The following SLC9A9 variants were observed in gnomAD, a reference collection of about 807,000 sequenced individuals.
SLC9A9 encodes the protein solute carrier family 9 member A9, also known as sodium/hydrogen exchanger 9.
A neutral mutation model predicts 77.8 loss-of-function variants in SLC9A9; 62 were observed. The observed-to-expected ratio is 0.80, with a 90% CI of 0.65 to 0.98. The LOEUF (loss-of-function observed/expected upper bound fraction) is 0.98, where lower values mean the gene tolerates loss of function less well. Ranked by LOEUF, SLC9A9 falls within the 50% of genes least tolerant of loss-of-function variation. The pLI is 0.00. For missense variants in SLC9A9, 775 were observed against 774.9 expected (o/e 1.00, Z 0.00); for synonymous variants, 320 against 283.5 (o/e 1.13, Z -1.29).
intron 13 of SLC9A9, among the ~76,000 whole-genome samples, chr3:143,380,736 C>T (rs1234943969): frequency 6.6e-6 from 1 of 152,196 alleles, no homozygotes; most frequent in African/African-American, 2.4e-5. Context: ...CAAAAAACCT[C>T]AAAGTACATG....
At chr3:143,644,118 C>T (rs1266877710) in intron 6 of SLC9A9, among the ~76,000 whole-genome samples, 1 of 152,146 alleles carries the variant, frequency 6.6e-6, no homozygotes, top group African/African-American at 2.4e-5. Context: ...AGATAGACAG[C>T]CATGTTTGAA....
intron 4 of SLC9A9, among the ~76,000 whole-genome samples, chr3:143,753,492 A>G (rs1221749862): frequency 6.6e-6 from 1 of 152,252 alleles, no homozygotes; most frequent in Non-Finnish European, 1.5e-5. Flanking sequence ...GGAAGCCAAC[A>G]GAGGTCTTTC....
intron 13 of SLC9A9, among the ~76,000 whole-genome samples, chr3:143,374,817 A>G (rs1301680938): frequency 1.3e-5 from 2 of 152,204 alleles, no homozygotes; most frequent in South Asian, 2.1e-4. Context: ...AAAATATACA[A>G]TTAAGTTATT....
At chr3:143,613,905 A>T (rs998218967) in intron 6 of SLC9A9, among the ~76,000 whole-genome samples, 12 of 152,206 alleles carry the variant, frequency 7.9e-5, no homozygotes, top group African/African-American at 2.9e-4. Flanking sequence ...CTAGAAAAAA[A>T]TAGCTCTATT....
intron 11 of SLC9A9, among the ~76,000 whole-genome samples, chr3:143,492,531 C>T (rs939679849): frequency 6.6e-6 from 1 of 152,146 alleles, no homozygotes; most frequent in African/African-American, 2.4e-5. Context: ...GCAAAACAAG[C>T]CTTTTACTGC....
intron 5 of SLC9A9, among the ~76,000 whole-genome samples, chr3:143,658,152 C>T (rs2038924140): frequency 6.6e-6 from 1 of 152,208 alleles, no homozygotes; most frequent in Non-Finnish European, 1.5e-5. Flanking sequence ...CAGCATGAGC[C>T]ACTGTGCCTG....
intron 6 of SLC9A9, among the ~76,000 whole-genome samples, chr3:143,623,156 A>T (rs567211795): frequency 6.6e-6 from 1 of 152,298 alleles, no homozygotes; most frequent in South Asian, 2.1e-4. Flanking sequence ...CTCCCACACA[A>T]TAATAATGGG....
Position 143,839,099 on chromosome 3 carries a change from AC to A in SLC9A9, c.176-6879del, listed in dbSNP as rs112772984. Reference sequence around the variant, plus strand: ...CAAAAAGTAAAAACATGATGTAGTAACAACGTACAATGCCTTCTGTTTTTGG... The same window carrying A: ...CAAAAAGTAAAAACATGATGTAGTAAAACGTACAATGCCTTCTGTTTTTGG... On this transcript the variant is annotated intron_variant, in intron 1 of 15. Transcript: ENST00000316549. 7.7e-3 allele frequency among the ~76,000 whole-genome samples: 1,176 copies of A among 152,302 alleles called. 14 individuals carry two copies. Among genetic ancestry groups the A allele is most frequent in the African/African-American group, 0.027 (1,111 of 41,544 alleles).
intron 1 of SLC9A9, among the ~76,000 whole-genome samples, chr3:143,843,166 G>A (rs1273164427): frequency 6.6e-6 from 1 of 152,124 alleles, no homozygotes; most frequent in African/African-American, 2.4e-5. Flanking sequence ...TTCAGCCAGC[G>A]GGAAGGGGGT....
rs138556980 is a variant in SLC9A9 at position 143,473,882 on chromosome 3, G to A, written c.1316-6692C>T. Among the ~76,000 whole-genome samples the A allele has an allele frequency of 2.6e-5, 4 of 152,292 alleles. No individual in the cohort carries two copies. In the East Asian group the frequency reaches 7.7e-4, roughly 29 times the overall value. On this transcript the variant is annotated intron_variant, in intron 11 of 15. Coordinates refer to ENST00000316549, the MANE Select transcript of SLC9A9 (RefSeq NM_173653.4). ...GGTGATATTCATATATTCATTCACTGATTAATTCATTCAGGCTCCAGGTGA... is the reference window on the plus strand; with the variant it reads ...GGTGATATTCATATATTCATTCACTAATTAATTCATTCAGGCTCCAGGTGA...
chr3:143,729,293 C>T (rs957878211), intron 4 of SLC9A9, among the ~76,000 whole-genome samples: 1 of 152,198 alleles, frequency 6.6e-6, no homozygotes. Context: ...CCAGACTCTT[C>T]TACATTTCAG....
chr3:143,663,738 G>C (rs1057324743), intron 5 of SLC9A9, among the ~76,000 whole-genome samples: 1 of 152,120 alleles, frequency 6.6e-6, no homozygotes, highest in African/African-American at 2.4e-5. Context: ...TCAAATTAAT[G>C]ACATGAAGTG....
intron 11 of SLC9A9, among the ~76,000 whole-genome samples, chr3:143,476,806 G>A (rs2035485825): frequency 6.6e-6 from 1 of 152,196 alleles, no homozygotes; most frequent in Admixed American, 6.5e-5. Flanking sequence ...CACAAAGTAG[G>A]AGGGAGGAGT....
chr3:143,464,150 G>A (rs191275332), intron 12 of SLC9A9, among the ~76,000 whole-genome samples: 3 of 152,256 alleles, frequency 2.0e-5, no homozygotes, highest in Middle Eastern at 3.4e-3. Context: ...GTTTGTCTTC[G>A]TGTCTCTTGG....
At chr3:143,541,114 C>T (rs1259350616) in intron 9 of SLC9A9, among the ~76,000 whole-genome samples, 1 of 152,186 alleles carries the variant, frequency 6.6e-6, no homozygotes, top group Non-Finnish European at 1.5e-5. Context: ...AATCCCCTCC[C>T]ATTGCTCATG....
chr3:143,541,690 C>A (rs564046012), intron 9 of SLC9A9, among the ~76,000 whole-genome samples: 3 of 152,282 alleles, frequency 2.0e-5, no homozygotes, highest in Middle Eastern at 3.4e-3. Flanking sequence ...CCCTTGAAGT[C>A]ATTGAATTTC....
At chr3:143,739,493 A>C (rs1330149749) in intron 4 of SLC9A9, among the ~76,000 whole-genome samples, 1 of 152,246 alleles carries the variant, frequency 6.6e-6, no homozygotes, top group African/African-American at 2.4e-5. Flanking sequence ...ATACTTTTCT[A>C]TGAAAGAAAA....
At chr3:143,614,749 TG>T (rs1192752622) in intron 6 of SLC9A9, among the ~76,000 whole-genome samples, 1 of 152,342 alleles carries the variant, frequency 6.6e-6, no homozygotes, top group African/African-American at 2.4e-5. Flanking sequence ...TCCACATTTA[TG>T]GTAACCTTTT....
At chr3:143,742,035 G>A (rs1459762332) in intron 4 of SLC9A9, among the ~76,000 whole-genome samples, 3 of 152,072 alleles carry the variant, frequency 2.0e-5, no homozygotes, top group Non-Finnish European at 4.4e-5. Flanking sequence ...TGGTTTAGGA[G>A]TCAAGCAGCT....
Sources: allele counts gnomAD v4.1 joint callset (sites outside exome capture counted in the v4.1 genomes callset), GRCh38; gene constraint gnomAD v4.1.1; transcripts MANE v1.5; gene names NCBI Gene and HGNC (gene_info 2026-07-23, HGNC 2026-07-21).